SEC13: variants seen among roughly 807,000 people sequenced by gnomAD.
SEC13 encodes protein SEC13 homolog.
SEC13 carries 25 observed loss-of-function variants against 49.2 expected under a neutral mutation model. The observed-to-expected ratio is 0.51, with a 90% CI of 0.37 to 0.71. The LOEUF (loss-of-function observed/expected upper bound fraction) is 0.71, where lower values mean the gene tolerates loss of function less well. Among genes scored for constraint, SEC13 ranks in the 30% least tolerant of loss-of-function variants. The pLI is 0.00. For synonymous variants in SEC13, 148 were observed against 163.9 expected, an observed-to-expected ratio of 0.90 and a Z score of 0.74; for missense variants, 383 against 417.6, an observed-to-expected ratio of 0.92 and a Z score of 0.72.
intron 5 of SEC13, among the ~76,000 whole-genome samples, chr3:10,309,252 G>T (rs1212020875): frequency 6.6e-6 from 1 of 151,338 alleles, no homozygotes; most frequent in Non-Finnish European, 1.5e-5. Context: ...TGTTAAGTGT[G>T]GGGTATGATC....
intron 1 of SEC13, chr3:10,319,366 G>T (rs1488151587): frequency 1.3e-5 from 18 of 1,424,024 alleles, no homozygotes; most frequent in Non-Finnish European, 1.7e-5. Context: ...GTGCCGAGCT[G>T]TATAGGTTAC....
intron 5 of SEC13, chr3:10,305,993 T>A (rs902288857): frequency 8.6e-6 from 2 of 231,890 alleles, no homozygotes; most frequent in Non-Finnish European, 1.7e-5. Context: ...AGAAAAATCT[T>A]TTATTATAAA....
intron 8 of SEC13, among the ~76,000 whole-genome samples, chr3:10,301,734 T>A (rs1700532689): frequency 6.6e-6 from 1 of 152,082 alleles, no homozygotes; most frequent in Admixed American, 6.5e-5. Context: ...CAACTGCAGA[T>A]TCTTGGGGCC....
rs752846350 is a variant in SEC13, at chr3:10,312,683, C to G, written c.212G>C (p.Gly71Ala). ...WQVAWAHPMY[G>A]NILASCSYDR... Reference sequence around the variant, plus strand: ...ATAGGAGCACGATGCCAGGATGTTGCCGTACATGGGGTGAGCCCAGGCCAC... The same window carrying G: ...ATAGGAGCACGATGCCAGGATGTTGGCGTACATGGGGTGAGCCCAGGCCAC... Residue 71 changes from glycine (G) to alanine (A), a missense_variant, in exon 4 of 9, where the codon GGC becomes GCC. Physicochemically the swap from Gly to Ala is moderately conservative, Grantham distance 60. Transcript: ENST00000350697. 2 of 1,614,166 alleles carry G rather than the reference C, an allele frequency of 1.2e-6. No homozygotes were observed. The highest frequency in any genetic ancestry group is 8.5e-7 in the Non-Finnish European group (1 of 1,180,038).
intron 5 of SEC13, among the ~76,000 whole-genome samples, chr3:10,307,049 A>G (rs922552381): frequency 7.0e-6 from 1 of 143,490 alleles, no homozygotes; most frequent in Non-Finnish European, 1.5e-5. Context: ...ATTTATTATT[A>G]ACAATTTTTT....
intron 1 of SEC13, among the ~76,000 whole-genome samples, chr3:10,318,578 G>A (rs2059704688): frequency 6.6e-6 from 1 of 152,076 alleles, no homozygotes; most frequent in South Asian, 2.1e-4. Flanking sequence ...AGCTACAGCT[G>A]GTGTTCCTTT....
chr3:10,318,377 G>A (rs2125287450), intron 1 of SEC13, among the ~76,000 whole-genome samples: 1 of 152,022 alleles, frequency 6.6e-6, no homozygotes, highest in South Asian at 2.1e-4. Context: ...GAGGGGCTGG[G>A]GTGGTAGACA....
At chr3:10,314,577 C>A (rs1701483745) in intron 3 of SEC13, among the ~76,000 whole-genome samples, 1 of 152,112 alleles carries the variant, frequency 6.6e-6, no homozygotes, top group Non-Finnish European at 1.5e-5. Context: ...TTTTTTCCCC[C>A]TGTCCCAATT....
chr3:10,315,359 C>A lies in SEC13; in HGVS notation c.126G>T (p.Val42=), dbSNP rs1333752407. The A allele has an allele frequency of 1.2e-6, 2 of 1,613,784 alleles. No homozygotes were observed. Among genetic ancestry groups the A allele is most frequent in the East Asian group, 4.5e-5 (2 of 44,882 alleles). ...CGATAAGGATCTGCCCTCCATTGCG[C>A]ACATCAAAGATTTTGACGGACCTGT... The part of the protein sequence containing the change: ...SSDRSVKIFD[V]RNGGQILIAD... Residue 42 remains valine (V), a synonymous_variant, in exon 3 of 9, where the codon GTG becomes GTT. Transcript: ENST00000350697.
At chr3:10,316,411 C>G (rs911708665) in intron 2 of SEC13, among the ~76,000 whole-genome samples, 5 of 152,134 alleles carry the variant, frequency 3.3e-5, no homozygotes, top group African/African-American at 1.2e-4. Context: ...AGGAACACAT[C>G]CTGATTTTTC....
At position 10,302,494 on chromosome 3, in the gene SEC13, C is replaced by T. The variant is rs1004078791; in HGVS notation, c.856-1120G>A. On this transcript the variant is annotated intron_variant, in intron 8 of 8. Coordinates refer to ENST00000350697, the MANE Select transcript of SEC13 (RefSeq NM_183352.3). ...CACAGTGACGGGCCCCACAACACTG[C>T]GTGCACAGCCAGGCACTTGCTTACA... Among the ~76,000 whole-genome samples the T allele has an allele frequency of 3.3e-5, 5 of 152,172 alleles. No homozygotes were observed. In the East Asian group the frequency reaches 5.8e-4, roughly 18 times the overall value.
intron 2 of SEC13, among the ~76,000 whole-genome samples, chr3:10,316,290 T>C (rs1269456731): frequency 6.6e-6 from 1 of 152,158 alleles, no homozygotes; most frequent in East Asian, 1.9e-4. Flanking sequence ...TGTCCCACCC[T>C]GGGAGTTTCA....
At chr3:10,311,557 T>C in intron 5 of SEC13, 1 of 787,050 alleles carries the variant, frequency 1.3e-6, no homozygotes, top group Non-Finnish European at 1.6e-6. Context: ...CACCAAAAGT[T>C]GGGTAAAGAA....
chr3:10,302,194 C>T (rs1427579005), intron 8 of SEC13, among the ~76,000 whole-genome samples: 5 of 152,144 alleles, frequency 3.3e-5, no homozygotes, highest in African/African-American at 4.8e-5. Context: ...GCCGAGACTG[C>T]GCCACTGCAC....
chr3:10,314,770 C>T (rs2125277379), intron 3 of SEC13, among the ~76,000 whole-genome samples: 1 of 152,356 alleles, frequency 6.6e-6, no homozygotes, highest in East Asian at 1.9e-4. Context: ...TAAATAATCA[C>T]TGAACACGTG....
chr3:10,321,112 C>T lies in SEC13; in HGVS notation c.-60G>A, dbSNP rs1050686095. 264 of 1,608,826 alleles carry T rather than the reference C, an allele frequency of 1.6e-4. 1 individual carries two copies. The highest frequency in any genetic ancestry group is 2.1e-4 in the Non-Finnish European group (250 of 1,178,532). ...GGCAGCTCCCGGCGGCGCCTCGGAA[C>T]AGCTCACTTCCGGCGCCGGGCCCGA... On this transcript the variant is annotated 5_prime_UTR_variant, in exon 1 of 9. Coordinates refer to ENST00000350697, the MANE Select transcript of SEC13 (RefSeq NM_183352.3). This position sits in a 1 kb window ranked among gnomAD's most constrained non-coding sequence, Gnocchi z 4.1.
intron 5 of SEC13, chr3:10,311,511 AACC>A (rs1701253116): frequency 3.0e-6 from 1 of 332,398 alleles, no homozygotes; most frequent in Non-Finnish European, 4.3e-6. Flanking sequence ...TCCTTGATTG[AACC>A]ACCAACATCA....
At chr3:10,311,778 C>T in intron 5 of SEC13, 187 bp downstream of exon 5, 1 of 1,444,072 alleles carries the variant, frequency 6.9e-7, no homozygotes, top group African/African-American at 1.4e-5. Context: ...CAGTGCCAAG[C>T]CCTGCCTGGT....
At chr3:10,315,056 T>A (rs118693) in intron 3 of SEC13, 70,144 of 347,720 alleles carry the variant, frequency 0.2, 8,032 homozygotes, top group Middle Eastern at 0.28. Flanking sequence ...AGAAACTGAG[T>A]CACTTGCCCA....
Sources: allele counts gnomAD v4.1 joint callset (sites outside exome capture counted in the v4.1 genomes callset), GRCh38; gene constraint gnomAD v4.1.1; non-coding constraint Gnocchi (gnomAD v3.1); transcripts MANE v1.5; gene names NCBI Gene and HGNC (gene_info 2026-07-23, HGNC 2026-07-21).